Variants in NCEH1 observed in about 807,000 individuals in gnomAD.
NCEH1 encodes the protein 2-acetyl MAGE hydrolase.
Under a neutral mutation model 25.4 loss-of-function variants are expected in NCEH1, and 9 were observed. That is an observed-to-expected ratio of 0.35 (90% CI 0.21 to 0.62). NCEH1 has a LOEUF of 0.62. Ranked by LOEUF, NCEH1 falls within the 20% of genes least tolerant of loss-of-function variation. The pLI is 0.72. For missense variants in NCEH1, 412 were observed against 501.1 expected, an observed-to-expected ratio of 0.82 and a Z score of 1.70; for synonymous variants, 200 against 199.8, an observed-to-expected ratio of 1.00 and a Z score of -0.01.
intron 1 of NCEH1, among the ~76,000 whole-genome samples, chr3:172,655,909 A>G (rs1717670864): frequency 6.6e-6 from 1 of 152,220 alleles, no homozygotes; most frequent in African/African-American, 2.4e-5. Flanking sequence ...AAGACAAAAA[A>G]GAACAAGAGA....
At chr3:172,686,987 C>T (rs1024433599) in intron 1 of NCEH1, among the ~76,000 whole-genome samples, 7 of 152,128 alleles carry the variant, frequency 4.6e-5, no homozygotes, top group South Asian at 2.1e-4. Flanking sequence ...CTGGAAGTTA[C>T]GCAAACAGCT....
At chr3:172,696,138 T>G (rs956114383) in intron 1 of NCEH1, among the ~76,000 whole-genome samples, 2 of 152,156 alleles carry the variant, frequency 1.3e-5, no homozygotes, top group Non-Finnish European at 2.9e-5. Context: ...CACAATTACA[T>G]TTAATCCTTA....
chr3:172,631,446 C>G lies in NCEH1; in HGVS notation c.*2029G>C, dbSNP rs1193257633. On this transcript the variant is annotated 3_prime_UTR_variant, in exon 5 of 5. Coordinates refer to ENST00000475381, the MANE Select transcript of NCEH1 (RefSeq NM_020792.6). ...GTGTCTGTGTATAAGGAACTATGAC[C>G]TACCAAAAAAACCACCACATAAGGA... 1 of 152,094 alleles carries G rather than the reference C, an allele frequency of 6.6e-6. No homozygotes were observed. Among genetic ancestry groups the G allele is most frequent in the Non-Finnish European group, 1.5e-5 (1 of 67,966 alleles). The allele number at this position is 152,094 out of a possible 1,614,324, so 9.4% of individuals were successfully genotyped here.
rs376815925 is a variant in NCEH1 at position 172,710,955 on chromosome 3, G to C, written c.30C>G (p.Ala10=). The change falls in exon 1 of 5, where the codon GCC becomes GCG. Residue 10 remains alanine, a synonymous_variant. Transcript: ENST00000475381. The stretch of plus-strand genomic sequence containing the variant: ...CGTAATAGGCGGCCAGCGCCACCAG[G>C]GCGGTGAGCAGGACACAGGACGACC... MRSSCVLLT[A]LVALAAYYVY... is the part of the protein sequence containing the mutation. 6.8e-6 allele frequency: 11 copies of C among 1,614,112 alleles called. No homozygotes were observed. The South Asian group carries it at 1.1e-4, about 16-fold the overall frequency.
intron 3 of NCEH1, 135 bp from the exon 4 acceptor site, chr3:172,636,222 G>A: frequency 1.6e-5 from 8 of 496,654 alleles, no homozygotes; most frequent in South Asian, 9.7e-5. Context: ...GTATGAAAAA[G>A]AAAAAATAAT....
intron 1 of NCEH1, among the ~76,000 whole-genome samples, chr3:172,665,916 AT>A (rs959084209): frequency 3.9e-5 from 6 of 152,184 alleles, no homozygotes; most frequent in Non-Finnish European, 5.9e-5. Context: ...AGGAAAGGGA[AT>A]TCCCCGACCC....
At chr3:172,638,784 G>C (rs1012774464) in intron 3 of NCEH1, among the ~76,000 whole-genome samples, 2 of 152,222 alleles carry the variant, frequency 1.3e-5, no homozygotes, top group African/African-American at 4.8e-5. Context: ...AGGTCTGAGA[G>C]ACTTTGATCA....
intron 1 of NCEH1, among the ~76,000 whole-genome samples, chr3:172,686,373 G>C (rs1020615821): frequency 6.6e-6 from 1 of 152,136 alleles, no homozygotes; most frequent in African/African-American, 2.4e-5. Flanking sequence ...CACTTCACCT[G>C]GTACTACACA....
chr3:172,697,968 G>GA (rs1161665860), intron 1 of NCEH1, among the ~76,000 whole-genome samples: 1 of 135,624 alleles, frequency 7.4e-6, no homozygotes, highest in South Asian at 2.4e-4. Context: ...TCTAAAAGCA[G>GA]AATTTTTTTT....
intron 3 of NCEH1, among the ~76,000 whole-genome samples, chr3:172,640,883 C>A (rs1247330560): frequency 6.6e-6 from 1 of 152,080 alleles, no homozygotes; most frequent in African/African-American, 2.4e-5. Flanking sequence ...CTCACTGCAG[C>A]CTCAAATTCC....
At chr3:172,650,129 A>AT (rs1225102859) in intron 1 of NCEH1, among the ~76,000 whole-genome samples, 1 of 152,250 alleles carries the variant, frequency 6.6e-6, no homozygotes, top group African/African-American at 2.4e-5. Context: ...TTTCGCTTGC[A>AT]TTCACAGAAT....
At chr3:172,673,968 G>A (rs913508888) in intron 1 of NCEH1, among the ~76,000 whole-genome samples, 3 of 152,146 alleles carry the variant, frequency 2.0e-5, no homozygotes, top group African/African-American at 7.2e-5. Flanking sequence ...ACTTACCAAT[G>A]TGTTCAGAGA....
chr3:172,665,156 T>G (rs1577069151), intron 1 of NCEH1, among the ~76,000 whole-genome samples: 1 of 152,282 alleles, frequency 6.6e-6, no homozygotes, highest in East Asian at 1.9e-4. Context: ...TGTGGATGTC[T>G]TTTTTGTTGA....
In NCEH1 at chr3:172,630,938, TTAA is replaced by T. The variant is rs1716316914; in HGVS notation, c.*2534_*2536del. Reference sequence around the variant, plus strand: ...GCACTTCAAGGTTTTTCTTTATATATTAATGTTTATATTTCACAGACAATTTTA... The same window carrying T: ...GCACTTCAAGGTTTTTCTTTATATATTGTTTATATTTCACAGACAATTTTA... On this transcript the variant is annotated 3_prime_UTR_variant, in exon 5 of 5. Coordinates refer to ENST00000475381, the MANE Select transcript of NCEH1 (RefSeq NM_020792.6). The T allele has an allele frequency of 6.8e-6, 1 of 146,534 alleles. No homozygotes were observed. The highest frequency in any genetic ancestry group is 1.5e-5 in the Non-Finnish European group (1 of 64,958). 9.1% of individuals were successfully genotyped at this position (146,534 alleles called of 1,614,324 possible).
chr3:172,643,565 G>C (rs1456479083), intron 3 of NCEH1, among the ~76,000 whole-genome samples: 2 of 152,104 alleles, frequency 1.3e-5, no homozygotes, highest in Non-Finnish European at 2.9e-5. Flanking sequence ...CTAAATTTTA[G>C]CCCTTTTCAA....
chr3:172,701,486 A>G (rs1282100949), intron 1 of NCEH1, among the ~76,000 whole-genome samples: 3 of 118,360 alleles, frequency 2.5e-5, no homozygotes, highest in Admixed American at 9.4e-5. Flanking sequence ...GTCTCCCTCT[A>G]TTGCCCAGGC....
intron 1 of NCEH1, among the ~76,000 whole-genome samples, chr3:172,690,854 G>C (rs1201492509): frequency 6.6e-6 from 1 of 151,936 alleles, no homozygotes; most frequent in Non-Finnish European, 1.5e-5. Context: ...TGAGATTATA[G>C]GTAATTTTTT....
At chr3:172,650,398 C>A (rs1387354414) in intron 1 of NCEH1, among the ~76,000 whole-genome samples, 1 of 151,788 alleles carries the variant, frequency 6.6e-6, no homozygotes, top group Non-Finnish European at 1.5e-5. Flanking sequence ...AATCCCAGCA[C>A]TTTGGGAGGC....
At chr3:172,655,532 A>T (rs1717651603) in intron 1 of NCEH1, among the ~76,000 whole-genome samples, 1 of 152,196 alleles carries the variant, frequency 6.6e-6, no homozygotes, top group South Asian at 2.1e-4. Flanking sequence ...GAGTTGGGGA[A>T]AGGCAAACAG....
Sources: allele counts gnomAD v4.1 joint callset (sites outside exome capture counted in the v4.1 genomes callset), GRCh38; gene constraint gnomAD v4.1.1; transcripts MANE v1.5; gene names NCBI Gene and HGNC (gene_info 2026-07-23, HGNC 2026-07-21).